The following RNF213 variants were observed in gnomAD, a reference collection of about 807,000 sequenced individuals.
The protein encoded by RNF213 is ring finger protein 213.
Under a neutral mutation model 514.4 loss-of-function variants are expected in RNF213, and 341 were observed. The ratio of observed to expected loss-of-function variants is 0.66; its 90% CI spans 0.61 to 0.73. The LOEUF (loss-of-function observed/expected upper bound fraction) is 0.73, where lower values mean the gene tolerates loss of function less well. Ranked by LOEUF, RNF213 falls within the 30% of genes least tolerant of loss-of-function variation. RNF213 has a pLI of 0.00. For missense variants in RNF213, 5,767 were observed against 6,615.6 expected, an observed-to-expected ratio of 0.87 and a Z score of 4.45; for synonymous variants, 2,655 against 2,658.2, an observed-to-expected ratio of 1.00 and a Z score of 0.04.
In RNF213 at chr17:80,295,686, G is replaced by A. The variant is rs766473060; in HGVS notation, c.1885G>A (p.Val629Ile). The change falls in exon 10 of 68, where the codon GTA becomes ATA. Residue 629 changes from valine (V) to isoleucine (I), a missense_variant. Coordinates refer to ENST00000582970, the MANE Select transcript of RNF213 (RefSeq NM_001256071.3). ...GAAAACAGGCCTGATTGTCCTTTTTGTAGTGGAAAAAATTGAGCTTTTATT... is the reference window on the plus strand; with the variant it reads ...GAAAACAGGCCTGATTGTCCTTTTTATAGTGGAAAAAATTGAGCTTTTATT... The part of the protein sequence containing the change: ...KLKTGLIVLF[V>I]VEKIELLLEG... 2.2e-5 allele frequency: 35 copies of A among 1,614,142 alleles called. No homozygotes were observed. Among genetic ancestry groups the A allele is most frequent in the Non-Finnish European group, 3.0e-5 (35 of 1,180,020 alleles).
Position 80,380,744 on chromosome 17 carries a change from G to A in RNF213, c.13641-87G>A, listed in dbSNP as rs151231231. On this transcript the variant is annotated intron_variant, in intron 55 of 67. Coordinates refer to ENST00000582970, the MANE Select transcript of RNF213 (RefSeq NM_001256071.3). ...TCTTCACATAACTCTCTTCTCAGCC[G>A]TAAGCCTCACTCCAAGTGCTGAGAA... is the stretch of plus-strand genomic sequence containing the variant. The A allele has an allele frequency of 1.5e-4, 225 of 1,460,324 alleles. No individual in the cohort carries two copies. In the African/African-American group the frequency reaches 2.2e-3, roughly 14 times the overall value. 90.5% of individuals were successfully genotyped at this position (1,460,324 alleles called of 1,614,324 possible).
chr17:80,290,689 C>CA lies in RNF213; in HGVS notation c.1236dup (p.Trp413MetfsTer7). ...AGAGGAGGAGAAGAATTTGGGGAGT[C>CA]AAAATGGGACAGCAATATCTGTGAG... On this transcript the variant is annotated frameshift_variant, in exon 7 of 68. Coordinates refer to ENST00000582970, the MANE Select transcript of RNF213 (RefSeq NM_001256071.3). LOFTEE classifies it high-confidence loss of function. The CA allele has an allele frequency of 6.2e-7, 1 of 1,614,110 alleles. No individual in the cohort carries two copies. Among genetic ancestry groups the CA allele is most frequent in the Non-Finnish European group, 8.5e-7 (1 of 1,180,022 alleles).
rs1356366352 is a variant in RNF213 at position 80,339,800 on chromosome 17, G to C, written c.5433G>C (p.Gly1811=). The part of the protein sequence containing the change: ...TLGHCLAHLA[G]MGGSPVERCL... ...GCCACTGTCTGGCTCACCTGGCAGG[G>C]ATGGGTGGGTCTCCCGTGGAGCGTT... is the stretch of plus-strand genomic sequence containing the variant. Residue 1811 remains glycine (G), a synonymous_variant, in exon 26 of 68, where the codon GGG becomes GGC. Transcript: ENST00000582970. The C allele has an allele frequency of 6.5e-7, 1 of 1,534,558 alleles. No homozygotes were observed. Among genetic ancestry groups the C allele is most frequent in the South Asian group, 1.2e-5 (1 of 83,996 alleles).
intron 18 of RNF213, among the ~76,000 whole-genome samples, 172 bp downstream of exon 18, chr17:80,325,370 G>A (rs534850961): frequency 1.3e-5 from 2 of 152,078 alleles, no homozygotes; most frequent in Non-Finnish European, 2.9e-5. Flanking sequence ...AGTGTCTTGC[G>A]TTGTAAATAA....
At chr17:80,335,581 A>ATG (rs1230934266) in intron 22 of RNF213, among the ~76,000 whole-genome samples, 1 of 152,154 alleles carries the variant, frequency 6.6e-6, no homozygotes, top group Non-Finnish European at 1.5e-5. Flanking sequence ...TTAAATGGTA[A>ATG]TGTTGTGTGG....
chr17:80,295,261 C>T (rs1043035008), intron 9 of RNF213, among the ~76,000 whole-genome samples: 5 of 152,174 alleles, frequency 3.3e-5, no homozygotes, highest in East Asian at 3.9e-4. Context: ...GTGGAAGGAA[C>T]GGGGCACCCT....
Position 80,377,178 on chromosome 17 carries a change from G to T in RNF213, c.13510+215G>T, listed in dbSNP as rs954023576. On this transcript the variant is annotated intron_variant, in intron 53 of 67. Coordinates refer to ENST00000582970, the MANE Select transcript of RNF213 (RefSeq NM_001256071.3). The surrounding 1 kb of genome is among the most constrained non-coding windows in gnomAD (Gnocchi z 4.1). ...ATCCAAACCATTTCATTTCTTTGTCGTGTGGAAAAGGCCCTCTGTGATGCA... is the reference window on the plus strand; with the variant it reads ...ATCCAAACCATTTCATTTCTTTGTCTTGTGGAAAAGGCCCTCTGTGATGCA... The T allele has an allele frequency of 5.3e-5, 31 of 579,510 alleles. No individual in the cohort carries two copies. The highest frequency in any genetic ancestry group is 8.1e-5 in the Non-Finnish European group (26 of 322,196). 35.9% of individuals were successfully genotyped at this position (579,510 alleles called of 1,614,324 possible). A position where few individuals can be genotyped will look rare whatever the true frequency, so the allele number is the denominator to read the frequency against.
chr17:80,316,714 C>A (rs542973358), intron 15 of RNF213: 26 of 263,590 alleles, frequency 9.9e-5, no homozygotes, highest in Admixed American at 7.7e-4. Context: ...TGCCATGATG[C>A]CTGCAACTTA....
chr17:80,345,139 C>T lies in RNF213; in HGVS notation c.6804C>T (p.His2268=), dbSNP rs749915184. 5.0e-6 allele frequency: 8 copies of T among 1,614,162 alleles called. No homozygotes were observed. The highest frequency in any genetic ancestry group is 5.1e-6 in the Non-Finnish European group (6 of 1,180,036). Residue 2268 remains histidine, a synonymous_variant, in exon 29 of 68, where the codon CAC becomes CAT. Coordinates refer to ENST00000582970, the MANE Select transcript of RNF213 (RefSeq NM_001256071.3). The surrounding 1 kb of genome is among the most constrained non-coding windows in gnomAD (Gnocchi z 6.0). ...MARDFATPSL[H]TSDQSPGKHM... ...GAGATTTTGCCACACCATCACTCCA[C>T]ACCTCTGACCAAAGCCCGGGGAAGC... is the stretch of plus-strand genomic sequence containing the variant.
chr17:80,334,207 A>T lies in RNF213; in HGVS notation c.4246A>T (p.Lys1416Ter). The change falls in exon 22 of 68, where the codon AAG becomes TAG. Residue 1416 changes from lysine (K) to a stop codon, truncating the protein, a stop_gained. Coordinates refer to ENST00000582970, the MANE Select transcript of RNF213 (RefSeq NM_001256071.3). LOFTEE classifies it high-confidence loss of function. ...LLQDISEARC[K>*]GLQALSLRKE... The stretch of plus-strand genomic sequence containing the variant: ...CCAGGACATCAGCGAGGCCCGGTGC[A>T]AGGGGCTGCAGGCTCTGTCCCTGAG... 6.5e-7 allele frequency: 1 copy of T among 1,537,240 alleles called. No individual in the cohort carries two copies. The highest frequency in any genetic ancestry group is 8.7e-7 in the Non-Finnish European group (1 of 1,146,892).
In RNF213 at chr17:80,386,907, GC is replaced by G. The variant is rs1324118035; in HGVS notation, c.14922+18del. The G allele has an allele frequency of 6.2e-7, 1 of 1,601,288 alleles. No individual in the cohort carries two copies. ...GAGCCTCAAGGTAGGGCTGACTCCT[GC>G]CACTGCTGCTCATTTGGTGTGTCTG... On this transcript the variant is annotated intron_variant, in intron 63 of 67. Transcript: ENST00000582970.
Position 80,339,467 on chromosome 17 carries a change from C to G in RNF213, c.5100C>G (p.Tyr1700Ter), listed in dbSNP as rs1194536557. ...FVTQKRMEHFYLNFYTAEQLV... is the reference protein window; with the variant it reads ...FVTQKRMEHF ...CCCAGAAGCGAATGGAGCACTTTTACCTGAACTTCTACACGGCAGAGCAGC... is the reference window on the plus strand; with the variant it reads ...CCCAGAAGCGAATGGAGCACTTTTAGCTGAACTTCTACACGGCAGAGCAGC... Residue 1700 changes from tyrosine (Y) to a stop codon, truncating the protein, a stop_gained, in exon 26 of 68, where the codon TAC (tyrosine) becomes TAG (stop). Transcript: ENST00000582970. LOFTEE classifies it high-confidence loss of function. 6.5e-7 allele frequency: 1 copy of G among 1,537,258 alleles called. No homozygotes were observed. Among genetic ancestry groups the G allele is most frequent in the East Asian group, 2.4e-5 (1 of 40,916 alleles).
intron 3 of RNF213, among the ~76,000 whole-genome samples, chr17:80,275,355 A>T (rs972588540): frequency 2.6e-5 from 4 of 151,978 alleles, no homozygotes; most frequent in African/African-American, 9.7e-5. Context: ...GGAAAGTGGC[A>T]GTACGGATGG....
chr17:80,385,104 G>C lies in RNF213; in HGVS notation c.14388G>C (p.Lys4796Asn). ...TGGCCTTGCAAAGGGATCTAGTGAA[G>C]CAGTTCCAGAACGTCCAGCAAGTTG... is the stretch of plus-strand genomic sequence containing the variant. The part of the protein sequence containing the change: ...EILALQRDLV[K>N]QFQNVQQVEY... The change falls in exon 60 of 68, where the codon AAG becomes AAC. Residue 4796 changes from lysine to asparagine, a missense_variant. This residue lies in a region of RNF213 where 1,245 missense variants were observed against 1,339.0 expected (regional missense o/e 0.93). Transcript: ENST00000582970. 1 of 1,614,150 alleles carries C rather than the reference G, an allele frequency of 6.2e-7. No individual in the cohort carries two copies. Among genetic ancestry groups the C allele is most frequent in the South Asian group, 1.1e-5 (1 of 91,086 alleles).
intron 13 of RNF213, among the ~76,000 whole-genome samples, chr17:80,308,402 CCT>C (rs1428081189): frequency 6.6e-6 from 1 of 152,022 alleles, no homozygotes; most frequent in African/African-American, 2.4e-5. Context: ...TTAAGTCTCT[CCT>C]GAGTCCCCTC....
At chr17:80,337,769 A>G (rs922994125) in intron 24 of RNF213, 43 bp downstream of exon 24, 4 of 1,537,116 alleles carry the variant, frequency 2.6e-6, no homozygotes, top group Non-Finnish European at 3.5e-6. Context: ...GCCCTTCTGC[A>G]GGCTGCTGCC....
intron 10 of RNF213, among the ~76,000 whole-genome samples, chr17:80,297,242 G>C (rs2044987496): frequency 6.7e-6 from 1 of 150,366 alleles, no homozygotes; most frequent in Non-Finnish European, 1.5e-5. Flanking sequence ...ACAAGGTCAG[G>C]AGTTCGAGAC....
chr17:80,340,146 G>A lies in RNF213; in HGVS notation c.5779G>A (p.Val1927Ile), dbSNP rs376697766. ...GCAGCACCGAGAAGACTACCAGCTC[G>A]TCATGGTCTGTGATGGGGACTGGGA... ...TQQHREDYQL[V>I]MVCDGDWEHC... Residue 1927 changes from valine (V) to isoleucine (I), a missense_variant, in exon 26 of 68, where the codon GTC becomes ATC. Val to Ile is a conservative substitution (Grantham distance 29). Coordinates refer to ENST00000582970, the MANE Select transcript of RNF213 (RefSeq NM_001256071.3). 15 of 1,613,956 alleles carry A rather than the reference G, an allele frequency of 9.3e-6. No homozygotes were observed. The highest frequency in any genetic ancestry group is 1.6e-4 in the Middle Eastern group (1 of 6,062).
Position 80,377,565 on chromosome 17 carries a change from GACA to G in RNF213, c.13511-196_13511-194del. On this transcript the variant is annotated intron_variant, in intron 53 of 67. Coordinates refer to ENST00000582970, the MANE Select transcript of RNF213 (RefSeq NM_001256071.3). The surrounding 1 kb of genome is among the most constrained non-coding windows in gnomAD (Gnocchi z 4.1). ...GATAAAATTAATAAAATTAGACTCA[GACA>G]TTTTTCACTGACAACATACATTTAT... 1.5e-6 allele frequency: 1 copy of G among 675,362 alleles called. No homozygotes were observed. Among genetic ancestry groups the G allele is most frequent in the Non-Finnish European group, 2.7e-6 (1 of 365,620 alleles). 41.8% of individuals were successfully genotyped at this position (675,362 alleles called of 1,614,324 possible).
Sources: allele counts gnomAD v4.1 joint callset (sites outside exome capture counted in the v4.1 genomes callset), GRCh38; gene constraint gnomAD v4.1.1; regional missense constraint gnomAD v4.1.1; non-coding constraint Gnocchi (gnomAD v3.1); transcripts MANE v1.5; gene names NCBI Gene and HGNC (gene_info 2026-07-23, HGNC 2026-07-21).